Variants in ZNF559 observed in about 807,000 individuals in gnomAD.
ZNF559 encodes the protein zinc finger protein 559.
In ZNF559, 17 loss-of-function variants were observed where a neutral mutation model predicts 14.2. The observed-to-expected ratio is 1.20, with a 90% confidence interval of 0.82 to 1.80. The LOEUF (loss-of-function observed/expected upper bound fraction) is 1.80, where lower values mean the gene tolerates loss of function less well. Ranked by LOEUF, ZNF559 falls within the 40% of genes most tolerant of loss-of-function variation. The probability of loss-of-function intolerance (pLI) is 0.00; values close to 1 mark genes in which losing one functional copy is unlikely to be tolerated. For synonymous variants in ZNF559, 244 were observed against 212.4 expected, an observed-to-expected ratio of 1.15 and a Z score of -1.29; for missense variants, 740 against 629.7, an observed-to-expected ratio of 1.18 and a Z score of -1.88.
chr19:9,324,039 G>C, upstream of ZNF559: 1 of 965,994 alleles, frequency 1.0e-6, no homozygotes, highest in Non-Finnish European at 1.5e-6. Flanking sequence ...TGACACTTGC[G>C]CTCTTCGGGG....
At chr19:9,337,301 A>C (rs1376998681) in intron 2 of ZNF559, among the ~76,000 whole-genome samples, 1 of 152,236 alleles carries the variant, frequency 6.6e-6, no homozygotes, top group African/African-American at 2.4e-5. Flanking sequence ...ATCTGGTCAC[A>C]CTAGTATAGT....
rs1568367972 is a variant in ZNF559 at position 9,341,867 on chromosome 19, A to C, written c.416A>C (p.Lys139Thr). The C allele has an allele frequency of 6.2e-7, 1 of 1,610,698 alleles. No homozygotes were observed. The highest frequency in any genetic ancestry group is 8.5e-7 in the Non-Finnish European group (1 of 1,179,150). Residue 139 changes from lysine (K) to threonine (T), a missense_variant, in exon 7 of 7, where the codon AAA (lysine) becomes ACA (threonine). Transcript: ENST00000603380. ...CCCTCTATCTTTACTTTACACAAGAAAACTGATATCGGAGAGGAACTTCCT... is the reference window on the plus strand; with the variant it reads ...CCCTCTATCTTTACTTTACACAAGACAACTGATATCGGAGAGGAACTTCCT... ...RKPSIFTLHK[K>T]TDIGEELPNC...
chr19:9,341,381 A>G, intron 6 of ZNF559, 197 bp downstream of exon 6: 1 of 760,304 alleles, frequency 1.3e-6, no homozygotes, highest in Non-Finnish European at 2.3e-6. Context: ...ATATTTGTTT[A>G]CATATTTCCT....
intron 3 of ZNF559, chr19:9,338,158 G>T: frequency 2.6e-6 from 2 of 767,774 alleles, no homozygotes; most frequent in African/African-American, 1.7e-5. Context: ...ATATTCTGTG[G>T]TCTAAATCCT....
At position 9,342,820 on chromosome 19, in the gene ZNF559, A is replaced by C. The variant is rs1568369720; in HGVS notation, c.1369A>C (p.Arg457=). ...CTCCTCGCACCTTAGTCAACATAAA[A>C]GAATACATACAGGGGAGAGGCCATA... ...RYSSHLSQHK[R]IHTGERPYKC... Residue 457 remains arginine (R), a synonymous_variant, in exon 7 of 7, where the codon AGA becomes CGA. Coordinates refer to ENST00000603380, the MANE Select transcript of ZNF559 (RefSeq NM_032497.3). 1 of 1,614,102 alleles carries C rather than the reference A, an allele frequency of 6.2e-7. No individual in the cohort carries two copies. Among genetic ancestry groups the C allele is most frequent in the Admixed American group, 1.7e-5 (1 of 60,018 alleles).
At position 9,345,612 on chromosome 19, in the gene ZNF559, A is replaced by G. The variant is rs1452456367; in HGVS notation, c.*2544A>G. On this transcript the variant is annotated 3_prime_UTR_variant, in exon 7 of 7. Transcript: ENST00000603380. ...TAAGCCTTTGGGGAAGAGTCTGTTC[A>G]AATCTTTTGCCTGTTTATATTGGCT... 6.6e-6 allele frequency: 1 copy of G among 151,748 alleles called. No homozygotes were observed. Among genetic ancestry groups the G allele is most frequent in the Non-Finnish European group, 1.5e-5 (1 of 67,922 alleles). The allele number at this position is 151,748 out of a possible 1,614,324, so 9.4% of individuals were successfully genotyped here.
intron 2 of ZNF559, 61 bp downstream of exon 2, chr19:9,324,841 C>T (rs1218315758): frequency 1.4e-6 from 2 of 1,429,940 alleles, no homozygotes; most frequent in Non-Finnish European, 1.9e-6. Context: ...TAAGTTGTGT[C>T]GAGGTGGAAA....
At chr19:9,329,381 A>G (rs186834511) in intron 2 of ZNF559, among the ~76,000 whole-genome samples, 1 of 152,154 alleles carries the variant, frequency 6.6e-6, no homozygotes, top group East Asian at 1.9e-4. Context: ...CTTCTTTCAG[A>G]TCCATTAATA....
In ZNF559 at chr19:9,343,032, CT is replaced by C. The variant is rs866185740; in HGVS notation, c.1584del (p.Phe528LeufsTer31). 18 of 1,613,542 alleles carry C rather than the reference CT, an allele frequency of 1.1e-5. No homozygotes were observed. The highest frequency in any genetic ancestry group is 1.5e-5 in the Non-Finnish European group (18 of 1,179,748). ...EKPYKECGQT[F>X]SNSSCLTECV ...AACCATATAAGGAATGTGGGCAAAC[CT>C]TTAGTAATTCCTCATGCCTTACTGA... is the stretch of plus-strand genomic sequence containing the variant. On this transcript the variant is annotated frameshift_variant, in exon 7 of 7. Transcript: ENST00000603380. LOFTEE classifies it low-confidence loss of function (END_TRUNC).
Position 9,342,316 on chromosome 19 carries a change from A to G in ZNF559, c.865A>G (p.Arg289Gly), listed in dbSNP as rs777161008. ...TTCCCCAGATCTTGCTAAACATATAAGACTTAGAACTAGAGGAAAACACTA... is the reference window on the plus strand; with the variant it reads ...TTCCCCAGATCTTGCTAAACATATAGGACTTAGAACTAGAGGAAAACACTA... Reference protein sequence around the residue: ...AFSPDLAKHIRLRTRGKHYVC... With the variant: ...AFSPDLAKHIGLRTRGKHYVC... Residue 289 changes from arginine (R) to glycine (G), a missense_variant, in exon 7 of 7, where the codon AGA (arginine) becomes GGA (glycine). Arg to Gly is a moderately radical substitution (Grantham distance 125). Coordinates refer to ENST00000603380, the MANE Select transcript of ZNF559 (RefSeq NM_032497.3). 3 of 1,597,562 alleles carry G rather than the reference A, an allele frequency of 1.9e-6. No homozygotes were observed. The South Asian group carries it at 3.4e-5, about 18-fold the overall frequency.
chr19:9,324,344 C>T (rs1342992573), intron 1 of ZNF559, 116 bp downstream of exon 1: 24 of 1,518,600 alleles, frequency 1.6e-5, no homozygotes, highest in Non-Finnish European at 1.7e-5. Context: ...CACTTTCGGG[C>T]ATTTCGAGCA....
chr19:9,334,167 G>A (rs1323133985), intron 2 of ZNF559, among the ~76,000 whole-genome samples: 2 of 152,200 alleles, frequency 1.3e-5, no homozygotes, highest in Non-Finnish European at 2.9e-5. Flanking sequence ...CAACTCAAAT[G>A]TCTGTCTACA....
intron 2 of ZNF559, among the ~76,000 whole-genome samples, chr19:9,325,061 G>C (rs2066504111): frequency 6.6e-6 from 1 of 152,144 alleles, no homozygotes; most frequent in Non-Finnish European, 1.5e-5. Flanking sequence ...AACACGGTGC[G>C]GGCTGATTTA....
rs2067598511 is a variant in ZNF559 at position 9,341,763 on chromosome 19, A to G, written c.312A>G (p.Ser104=). 2.5e-6 allele frequency: 4 copies of G among 1,603,834 alleles called. No individual in the cohort carries two copies. The highest frequency in any genetic ancestry group is 2.5e-6 in the Non-Finnish European group (3 of 1,177,246). ...NQCEKALSEH[S]CLKTHRRTYF... is the part of the protein sequence containing the mutation. ...GTGAAAAAGCCTTGAGTGAACACTC[A>G]TGCCTTAAGACTCACAGGAGAACTT... Residue 104 remains serine, a synonymous_variant, in exon 7 of 7, where the codon TCA becomes TCG. Transcript: ENST00000603380.
Position 9,329,195 on chromosome 19 carries a change from C to T in ZNF559, c.-120+4415C>T, listed in dbSNP as rs1016505566. Among the ~76,000 whole-genome samples the T allele has an allele frequency of 9.2e-5, 14 of 152,238 alleles. No individual in the cohort carries two copies. In the East Asian group the frequency reaches 2.5e-3, roughly 27 times the overall value. On this transcript the variant is annotated intron_variant, in intron 2 of 6. Transcript: ENST00000603380. ...GTTTCATAAATGGAATGACCTTGAG[C>T]ATATGTGGTGCCATAGTTTTTAATT...
chr19:9,333,289 G>A (rs2067035929), intron 2 of ZNF559, among the ~76,000 whole-genome samples: 1 of 152,308 alleles, frequency 6.6e-6, no homozygotes, highest in Admixed American at 6.5e-5. Context: ...TATTTGTAGA[G>A]TTATGCATCC....
At chr19:9,325,574 C>T (rs1275437617) in intron 2 of ZNF559, among the ~76,000 whole-genome samples, 1 of 152,040 alleles carries the variant, frequency 6.6e-6, no homozygotes, top group African/African-American at 2.4e-5. Flanking sequence ...TGGCGGATCA[C>T]GAGGTCAGGA....
chr19:9,324,455 A>T, intron 1 of ZNF559: 1 of 1,430,660 alleles, frequency 7.0e-7, no homozygotes, highest in Non-Finnish European at 9.1e-7. Context: ...GCCCGGGAGG[A>T]GGCGGGGGGC....
chr19:9,334,033 T>C (rs937117205), intron 2 of ZNF559, among the ~76,000 whole-genome samples: 2 of 152,222 alleles, frequency 1.3e-5, no homozygotes, highest in Non-Finnish European at 2.9e-5. Context: ...GTGTATACTT[T>C]TAGTGTGTAA....
Sources: gnomAD v4.1 joint callset for allele counts (sites outside exome capture counted in the v4.1 genomes callset) on GRCh38, gnomAD v4.1.1 for gene constraint, MANE v1.5 for transcripts, NCBI Gene and HGNC (gene_info 2026-07-23, HGNC 2026-07-21) for gene names.